GRM1: variants seen among roughly 807,000 people sequenced by gnomAD.
GRM1 encodes the protein glutamate metabotropic receptor 1, also known as metabotropic glutamate receptor 1.
Under a neutral mutation model 90.9 loss-of-function variants are expected in GRM1, and 33 were observed. The observed-to-expected ratio is 0.36, with a 90% CI of 0.28 to 0.49. GRM1 has a LOEUF of 0.49. GRM1 is among the 20% of genes least tolerant of loss of function. The pLI is 0.99. For missense variants in GRM1, 1,190 were observed against 1,534.3 expected (o/e 0.78, Z 3.75); for synonymous variants, 700 against 613.2 (o/e 1.14, Z -2.09).
rs74301709 is a variant in GRM1 at position 146,413,517 on chromosome 6, C to A, written c.2660+13818C>A. On this transcript the variant is annotated intron_variant, in intron 7 of 7. Coordinates refer to ENST00000282753, the MANE Select transcript of GRM1 (RefSeq NM_001278064.2). The stretch of plus-strand genomic sequence containing the variant: ...AATTCCTAGTATCTATATATTAAAT[C>A]ATCTTTTACACATTTTCTGTAATCC... Among the ~76,000 whole-genome samples the A allele has an allele frequency of 4.1e-3, 628 of 152,170 alleles. 15 individuals carry two copies. The East Asian group carries it at 0.078, about 19-fold the overall frequency.
intron 2 of GRM1, among the ~76,000 whole-genome samples, chr6:146,270,845 TTCTTTTTCTTTCTTTCTTTCTTTC>T (rs1562570931): frequency 3.5e-4 from 51 of 146,664 alleles, no homozygotes; most frequent in African/African-American, 9.0e-4. Context: ...CTGCCTTTCT[TTCTTTTTCTTTCTTTCTTTCTTTC>T]TTTCTTTCTT....
chr6:146,033,951 C>T (rs1486360945), intron 1 of GRM1, among the ~76,000 whole-genome samples: 1 of 151,962 alleles, frequency 6.6e-6, no homozygotes, highest in African/African-American at 2.4e-5. Flanking sequence ...TCTTTCTTGT[C>T]TTGATTGCAA....
intron 6 of GRM1, among the ~76,000 whole-genome samples, chr6:146,397,679 G>A (rs931556626): frequency 2.6e-5 from 4 of 151,966 alleles, no homozygotes; most frequent in Non-Finnish European, 5.9e-5. Context: ...GTAGCAATAC[G>A]ATTACTCACA....
At chr6:146,037,104 A>G (rs933718356) in intron 1 of GRM1, among the ~76,000 whole-genome samples, 1 of 151,982 alleles carries the variant, frequency 6.6e-6, no homozygotes, top group African/African-American at 2.4e-5. Flanking sequence ...AATCACTACC[A>G]TGTTATATTC....
At chr6:146,401,123 A>G (rs1017938987) in intron 7 of GRM1, among the ~76,000 whole-genome samples, 1 of 152,162 alleles carries the variant, frequency 6.6e-6, no homozygotes, top group African/African-American at 2.4e-5. Context: ...CTTTTGCAGA[A>G]TTTATATACT....
intron 2 of GRM1, among the ~76,000 whole-genome samples, chr6:146,248,027 TG>T (rs1169152890): frequency 1.3e-5 from 2 of 151,908 alleles, no homozygotes; most frequent in Middle Eastern, 3.2e-3. Context: ...TGTTGGATGC[TG>T]GGTCTTAAGA....
Position 146,398,770 on chromosome 6 carries a change from C to A in GRM1, c.1731C>A (p.Gly577=). The A allele has an allele frequency of 1.2e-6, 2 of 1,602,764 alleles. No individual in the cohort carries two copies. Among genetic ancestry groups the A allele is most frequent in the Non-Finnish European group, 1.7e-6 (2 of 1,169,616 alleles). ...LGWWPNADLT[G]CEPIPVRYLE... The stretch of plus-strand genomic sequence containing the variant: ...CTCAAATGATTTTTCTCATCACAGG[C>A]TGTGAGCCCATTCCTGTGCGCTATC... Residue 577 remains glycine (G), a splice_region_variant and synonymous_variant, in exon 7 of 8, where the codon GGC becomes GGA. Transcript: ENST00000282753.
chr6:146,312,441 A>T lies in GRM1; in HGVS notation c.1186+7595A>T, dbSNP rs535949848. On this transcript the variant is annotated intron_variant, in intron 3 of 7. Coordinates refer to ENST00000282753, the MANE Select transcript of GRM1 (RefSeq NM_001278064.2). Reference sequence around the variant, plus strand: ...TTTTTGATAAATCATCCCAAAAGACAAATTTTAGCATAGAGTTGATGATTA... The same window carrying T: ...TTTTTGATAAATCATCCCAAAAGACTAATTTTAGCATAGAGTTGATGATTA... 3.0e-4 allele frequency among the ~76,000 whole-genome samples: 46 copies of T among 151,882 alleles called. No individual in the cohort carries two copies. The South Asian group carries it at 9.4e-3, about 31-fold the overall frequency.
chr6:146,029,399 G>T lies in GRM1; in HGVS notation c.-119G>T, dbSNP rs188169214. ...CAAAGGCCTTGGACGACCATTGTTGGCGAGGGGCACCACTCCGGGAGAGGC... is the reference window on the plus strand; with the variant it reads ...CAAAGGCCTTGGACGACCATTGTTGTCGAGGGGCACCACTCCGGGAGAGGC... On this transcript the variant is annotated 5_prime_UTR_variant, in exon 1 of 8. Coordinates refer to ENST00000282753, the MANE Select transcript of GRM1 (RefSeq NM_001278064.2). 5.1e-4 allele frequency: 422 copies of T among 824,916 alleles called. 1 individual carries two copies. The African/African-American group carries it at 6.7e-3, about 13-fold the overall frequency. The allele number at this position is 824,916 out of a possible 1,614,324, so 51.1% of individuals were successfully genotyped here. A position where few individuals can be genotyped will look rare whatever the true frequency, so the allele number is the denominator to read the frequency against.
At chr6:146,072,203 C>A (rs142873457) in intron 1 of GRM1, among the ~76,000 whole-genome samples, 48 of 152,232 alleles carry the variant, frequency 3.2e-4, no homozygotes, top group Non-Finnish European at 5.3e-4. Context: ...ACACCCTGAG[C>A]CCTGGTATAC....
At chr6:146,156,108 A>G (rs1777518443) in intron 1 of GRM1, among the ~76,000 whole-genome samples, 2 of 152,174 alleles carry the variant, frequency 1.3e-5, no homozygotes, top group African/African-American at 4.8e-5. Flanking sequence ...AGCTACCATG[A>G]AAGTAGGCTT....
intron 2 of GRM1, among the ~76,000 whole-genome samples, chr6:146,196,970 T>G (rs1307290125): frequency 6.6e-6 from 1 of 152,160 alleles, no homozygotes; most frequent in Non-Finnish European, 1.5e-5. Flanking sequence ...TTGAGAAGAT[T>G]GCAGTTGGGT....
chr6:146,285,213 G>A (rs1042839603), intron 2 of GRM1, among the ~76,000 whole-genome samples: 1 of 152,134 alleles, frequency 6.6e-6, no homozygotes, highest in Non-Finnish European at 1.5e-5. Flanking sequence ...CACATTTCAG[G>A]CCAAACTCTT....
chr6:146,419,654 G>A (rs1221636908), intron 7 of GRM1, among the ~76,000 whole-genome samples: 1 of 152,166 alleles, frequency 6.6e-6, no homozygotes, highest in Non-Finnish European at 1.5e-5. Context: ...GAGGCCTCAG[G>A]AAACTTACAA....
intron 1 of GRM1, among the ~76,000 whole-genome samples, chr6:146,038,194 T>C (rs1367063664): frequency 6.6e-6 from 1 of 151,824 alleles, no homozygotes; most frequent in Admixed American, 6.6e-5. Context: ...TCTATGAGGG[T>C]TGTGGTTAAC....
chr6:146,063,370 G>C (rs1402432864), intron 1 of GRM1, among the ~76,000 whole-genome samples: 3 of 152,172 alleles, frequency 2.0e-5, no homozygotes, highest in Non-Finnish European at 1.5e-5. Flanking sequence ...ATGTTGATTA[G>C]ATTCAGCATT....
chr6:146,197,385 A>G (rs1254481669), intron 2 of GRM1, among the ~76,000 whole-genome samples: 1 of 152,256 alleles, frequency 6.6e-6, no homozygotes, highest in East Asian at 1.9e-4. Context: ...GTGGTGCTCC[A>G]AGAAGGATTG....
intron 1 of GRM1, among the ~76,000 whole-genome samples, chr6:146,089,038 A>T (rs1387055831): frequency 6.6e-6 from 1 of 152,022 alleles, no homozygotes; most frequent in African/African-American, 2.4e-5. Context: ...AGGGTCTGTG[A>T]CTGGCTTCTA....
At chr6:146,160,415 A>G (rs1472189987) in intron 2 of GRM1, among the ~76,000 whole-genome samples, 2 of 152,156 alleles carry the variant, frequency 1.3e-5, no homozygotes, top group African/African-American at 2.4e-5. Flanking sequence ...GACCTAACAG[A>G]TATCTTGTTT....
Sources: allele counts gnomAD v4.1 joint callset (sites outside exome capture counted in the v4.1 genomes callset), GRCh38; gene constraint gnomAD v4.1.1; transcripts MANE v1.5; gene names NCBI Gene and HGNC (gene_info 2026-07-23, HGNC 2026-07-21).